USF2: variants seen among roughly 807,000 people sequenced by gnomAD.
USF2 encodes upstream stimulatory factor 2.
In USF2, 16 loss-of-function variants were observed where a neutral mutation model predicts 46.9. The ratio of observed to expected loss-of-function variants is 0.34; its 90% CI spans 0.23 to 0.52. The LOEUF (loss-of-function observed/expected upper bound fraction) is 0.52. Among genes scored for constraint, USF2 ranks in the 20% least tolerant of loss-of-function variants. The pLI, the probability that USF2 is intolerant of heterozygous loss-of-function variation, is 0.96. For missense variants in USF2, 411 were observed against 474.0 expected (o/e 0.87, Z 1.23); for synonymous variants, 239 against 194.1 (o/e 1.23, Z -1.92).
intron 9 of USF2, 21 bp downstream of exon 9, chr19:35,279,095 G>T: frequency 1.2e-6 from 2 of 1,612,460 alleles, no homozygotes; most frequent in Non-Finnish European, 1.7e-6. Context: ...GGCCTGGAGC[G>T]GGTCAGGGCC....
At position 35,270,553 on chromosome 19, in the gene USF2, C is replaced by A. The variant is rs774035837; in HGVS notation, c.536C>A (p.Thr179Lys). The change falls in exon 5 of 10, where the codon ACG (threonine) becomes AAG (lysine). Residue 179 changes from threonine to lysine, a missense_variant. Physicochemically the swap from Thr to Lys is moderately conservative, Grantham distance 78. Around this residue, in one of 2 missense-constraint regions of USF2, gnomAD observed 318 missense variants for 322.4 expected, o/e 0.99. Transcript: ENST00000222305. The part of the protein sequence containing the change: ...YFPASSVGDT[T>K]AVSVQTTDQS... ...CCAGCGTCCAGTGTGGGAGATACTA[C>A]GGCTGTGTCCGTACAGACCACAGAC... 6.2e-7 allele frequency: 1 copy of A among 1,614,156 alleles called. No individual in the cohort carries two copies. Among genetic ancestry groups the A allele is most frequent in the Non-Finnish European group, 8.5e-7 (1 of 1,180,008 alleles).
chr19:35,278,538 CG>C (rs1489316898), intron 7 of USF2, 159 bp from the exon 8 acceptor site: 3 of 705,400 alleles, frequency 4.3e-6, no homozygotes, highest in Non-Finnish European at 7.2e-6. Flanking sequence ...GGGTGGGGGC[CG>C]GCTGGGCTCA....
chr19:35,272,000 T>A (rs2066163303), intron 7 of USF2, among the ~76,000 whole-genome samples: 1 of 152,106 alleles, frequency 6.6e-6, no homozygotes, highest in Admixed American at 6.5e-5. Context: ...CCATTTAGAA[T>A]GCCTCAGGAG....
At position 35,270,472 on chromosome 19, in the gene USF2, A is replaced by G. The variant is rs1184627505; in HGVS notation, c.455A>G (p.Asn152Ser). The stretch of plus-strand genomic sequence containing the variant: ...GCTGTGATCCAAAATCCCTTCAGCA[A>G]TGGTGGCAGTCCGGCGGCCGAGGCT... Reference protein sequence around the residue: ...PLAVIQNPFSNGGSPAAEAVS... With the variant: ...PLAVIQNPFSSGGSPAAEAVS... Residue 152 changes from asparagine (N) to serine (S), a missense_variant, in exon 5 of 10, where the codon AAT (asparagine) becomes AGT (serine). By Grantham distance (46) the Asn-to-Ser change is conservative. This residue lies in a region of USF2 where 318 missense variants were observed against 322.4 expected (regional missense o/e 0.99). Coordinates refer to ENST00000222305, the MANE Select transcript of USF2 (RefSeq NM_003367.4). The G allele has an allele frequency of 3.7e-6, 6 of 1,613,678 alleles. No homozygotes were observed. In the South Asian group the frequency reaches 4.4e-5, roughly 12 times the overall value.
At chr19:35,278,091 T>TG (rs1490045746) in intron 7 of USF2, 1 of 152,344 alleles carries the variant, frequency 6.6e-6, no homozygotes, top group Non-Finnish European at 1.5e-5. Context: ...GGCCAGGCCC[T>TG]GGGAGCTGCA....
intron 6 of USF2, 84 bp from the exon 7 acceptor site, chr19:35,270,999 A>G: frequency 6.4e-7 from 1 of 1,563,216 alleles, no homozygotes; most frequent in Non-Finnish European, 8.8e-7. Flanking sequence ...TGCAAAGATA[A>G]TTTTCAAATC....
chr19:35,269,167 A>G lies in USF2; in HGVS notation c.62+4A>G. On this transcript the variant is annotated splice_donor_region_variant and intron_variant, in intron 1 of 9. Transcript: ENST00000222305. Reference sequence around the variant, plus strand: ...CCACCGCTGCTGCCGCCGCCAGGTAAGATCCCCGGCCCGGCCGTGCCCCCG... The same window carrying G: ...CCACCGCTGCTGCCGCCGCCAGGTAGGATCCCCGGCCCGGCCGTGCCCCCG... The G allele has an allele frequency of 3.0e-6, 3 of 1,011,148 alleles. No individual in the cohort carries two copies. Among genetic ancestry groups the G allele is most frequent in the Non-Finnish European group, 3.5e-6 (3 of 847,724 alleles). The allele number at this position is 1,011,148 out of a possible 1,614,324, so 62.6% of individuals were successfully genotyped here. A position where few individuals can be genotyped will look rare whatever the true frequency, so the allele number is the denominator to read the frequency against.
chr19:35,271,802 G>A (rs1045317016), intron 7 of USF2, among the ~76,000 whole-genome samples: 22 of 152,250 alleles, frequency 1.4e-4, no homozygotes, highest in Non-Finnish European at 7.3e-5. Context: ...TGGGCTGAGC[G>A]GCACAGGCCC....
At chr19:35,270,025 G>A in intron 4 of USF2, 22 bp downstream of exon 4, 2 of 1,346,660 alleles carry the variant, frequency 1.5e-6, no homozygotes, top group South Asian at 1.9e-5. Flanking sequence ...GCCACCCCTG[G>A]GTGGGGGGGG....
intron 7 of USF2, among the ~76,000 whole-genome samples, chr19:35,271,415 C>G (rs558199907): frequency 1.3e-5 from 2 of 152,352 alleles, no homozygotes; most frequent in South Asian, 4.1e-4. Flanking sequence ...TGGTGGACTT[C>G]ACACTCCCAT....
At chr19:35,274,310 A>G (rs1305999483) in intron 7 of USF2, among the ~76,000 whole-genome samples, 1 of 152,158 alleles carries the variant, frequency 6.6e-6, no homozygotes, top group African/African-American at 2.4e-5. Context: ...GCCGCTTTCA[A>G]CTCTGCCCTC....
intron 4 of USF2, 119 bp downstream of exon 4, chr19:35,270,122 C>T (rs1261537797): frequency 8.4e-7 from 1 of 1,184,152 alleles, no homozygotes; most frequent in Non-Finnish European, 1.1e-6. Flanking sequence ...GCCTTCAGGC[C>T]TCAGGCTGCA....
At chr19:35,270,846 G>A in intron 6 of USF2, 41 bp downstream of exon 6, 3 of 1,610,858 alleles carry the variant, frequency 1.9e-6, no homozygotes, top group Admixed American at 3.3e-5. Context: ...TGTTGAAATG[G>A]AAGGAAGAGG....
chr19:35,270,371 C>T (rs781212418), intron 4 of USF2, 76 bp from the exon 5 acceptor site: 4 of 1,556,474 alleles, frequency 2.6e-6, no homozygotes, highest in Non-Finnish European at 3.5e-6. Flanking sequence ...TGCAGTAAAC[C>T]CCAAGCACAG....
chr19:35,271,842 G>T (rs1407841723), intron 7 of USF2, among the ~76,000 whole-genome samples: 1 of 152,220 alleles, frequency 6.6e-6, no homozygotes, highest in Non-Finnish European at 1.5e-5. Context: ...GGCCTGGAGC[G>T]TCAGGGAGGC....
chr19:35,278,784 A>T lies in USF2; in HGVS notation c.814A>T (p.Thr272Ser). The T allele has an allele frequency of 2.5e-6, 4 of 1,613,752 alleles. No individual in the cohort carries two copies. Among genetic ancestry groups the T allele is most frequent in the Non-Finnish European group, 3.4e-6 (4 of 1,179,956 alleles). Reference sequence around the variant, plus strand: ...AGACTGTAACGCAGACAACAGCAAGACGGGAGCGGTGAGCACCCCGGACCC... The same window carrying T: ...AGACTGTAACGCAGACAACAGCAAGTCGGGAGCGGTGAGCACCCCGGACCC... The part of the protein sequence containing the change: ...IPDCNADNSK[T>S]GASKGGILSK... The change falls in exon 8 of 10, where the codon ACG (threonine) becomes TCG (serine). Residue 272 changes from threonine to serine, a missense_variant. Transcript: ENST00000222305.
In USF2 at chr19:35,269,785, C is replaced by G. The variant is rs1435581937; in HGVS notation, c.229-18C>G. 1.3e-6 allele frequency: 2 copies of G among 1,490,292 alleles called. No homozygotes were observed. Among genetic ancestry groups the G allele is most frequent in the Non-Finnish European group, 1.8e-6 (2 of 1,124,340 alleles). 92.3% of individuals were successfully genotyped at this position (1,490,292 alleles called of 1,614,324 possible). On this transcript the variant is annotated intron_variant, in intron 3 of 9. Coordinates refer to ENST00000222305, the MANE Select transcript of USF2 (RefSeq NM_003367.4). ...CCTGGCCCCAGCGCCGGCCTCGCCG[C>G]TCTGCCGCCCCCTGCAGGTGACATA...
chr19:35,270,625 T>C lies in USF2; in HGVS notation c.580+28T>C, dbSNP rs200079041. 2.7e-5 allele frequency: 43 copies of C among 1,606,354 alleles called. No individual in the cohort carries two copies. In the Admixed American group the frequency reaches 3.9e-4, roughly 15 times the overall value. On this transcript the variant is annotated intron_variant, in intron 5 of 9. Coordinates refer to ENST00000222305, the MANE Select transcript of USF2 (RefSeq NM_003367.4). The stretch of plus-strand genomic sequence containing the variant: ...GAGGAGTAGAAGTCAGATTGGCAGG[T>C]GGGGGAGGCAACGGGCCCAGCAGGG...
At chr19:35,270,198 G>T in intron 4 of USF2, 195 bp downstream of exon 4, 1 of 881,098 alleles carries the variant, frequency 1.1e-6, no homozygotes, top group African/African-American at 1.7e-5. Context: ...TTTTTTTCCC[G>T]CAAAATGGGA....
Sources: gnomAD v4.1 joint callset for allele counts (sites outside exome capture counted in the v4.1 genomes callset) on GRCh38, gnomAD v4.1.1 for gene constraint, gnomAD v4.1.1 regional missense constraint, MANE v1.5 for transcripts, NCBI Gene and HGNC (gene_info 2026-07-23, HGNC 2026-07-21) for gene names.